GPD1: variants seen among roughly 807,000 people sequenced by gnomAD.
GPD1 encodes the protein glycerol-3-phosphate dehydrogenase [NAD(+)], cytoplasmic.
GPD1 carries 19 observed loss-of-function variants against 34.4 expected under a neutral mutation model. The observed-to-expected ratio is 0.55, with a 90% CI of 0.39 to 0.81. The LOEUF (loss-of-function observed/expected upper bound fraction) is 0.81. Among genes scored for constraint, GPD1 ranks in the 30% least tolerant of loss-of-function variants. The pLI, the probability that GPD1 is intolerant of heterozygous loss-of-function variation, is 0.00. For missense variants in GPD1, 429 were observed against 447.0 expected (o/e 0.96, Z 0.36); for synonymous variants, 172 against 174.1 (o/e 0.99, Z 0.09).
chr12:50,105,117 C>A, intron 2 of GPD1: 1 of 294,842 alleles, frequency 3.4e-6, no homozygotes, highest in Non-Finnish European at 6.4e-6. Flanking sequence ...GGTCTTTGGT[C>A]AAATCCACGT....
At position 50,109,459 on chromosome 12, in the gene GPD1, C is replaced by T. The variant is rs116736822; in HGVS notation, c.990C>T (p.Tyr330=). ...TCATGGCTGTGTACAAGGTGTGCTACGAGGGCCAGCCAGTGGGTGAATTCA... is the reference window on the plus strand; with the variant it reads ...TCATGGCTGTGTACAAGGTGTGCTATGAGGGCCAGCCAGTGGGTGAATTCA... The part of the protein sequence containing the change: ...PLFMAVYKVC[Y]EGQPVGEFIH... The change falls in exon 8 of 8, where the codon TAC becomes TAT. Residue 330 remains tyrosine, a synonymous_variant. Transcript: ENST00000301149. 2.8e-4 allele frequency: 449 copies of T among 1,591,240 alleles called. 2 individuals carry two copies. The African/African-American group carries it at 4.6e-3, about 16-fold the overall frequency.
chr12:50,104,329 T>A, intron 1 of GPD1: 1 of 703,362 alleles, frequency 1.4e-6, no homozygotes, highest in South Asian at 1.5e-5. Flanking sequence ...AAGAGCCGCT[T>A]GAGTTTGGGG....
At chr12:50,105,104 TA>T (rs778985350) in intron 2 of GPD1, 1 of 308,514 alleles carries the variant, frequency 3.2e-6, no homozygotes, top group Non-Finnish European at 6.0e-6. Flanking sequence ...TCCTTGGACT[TA>T]CGGTCTTTGG....
In GPD1 at chr12:50,107,410, G is replaced by T. The variant is rs541557755; in HGVS notation, c.613-157G>T. 1.5e-3 allele frequency: 1,135 copies of T among 745,210 alleles called. 5 individuals carry two copies. The highest frequency in any genetic ancestry group is 1.6e-3 in the Non-Finnish European group (663 of 411,846). 46.2% of individuals were successfully genotyped at this position (745,210 alleles called of 1,614,324 possible). Reference sequence around the variant, plus strand: ...GGCTTAAGAAAGGGGGTGCAGCAAGGGGGGAAACCAAGAGGCGGAAGTAGG... The same window carrying T: ...GGCTTAAGAAAGGGGGTGCAGCAAGTGGGGAAACCAAGAGGCGGAAGTAGG... On this transcript the variant is annotated intron_variant, in intron 5 of 7. Transcript: ENST00000301149.
intron 2 of GPD1, 40 bp from the exon 3 acceptor site, chr12:50,105,508 G>A (rs1315676028): frequency 6.3e-7 from 1 of 1,595,166 alleles, no homozygotes; most frequent in Admixed American, 1.7e-5. Context: ...GGGGCTAGGG[G>A]AGGTCTGCCA....
At chr12:50,107,126 C>T (rs1177957187) in intron 5 of GPD1, 1 of 688,874 alleles carries the variant, frequency 1.5e-6, no homozygotes, top group African/African-American at 1.8e-5. Flanking sequence ...CCGTGGACCC[C>T]CTTGCTCCTG....
intron 3 of GPD1, 187 bp from the exon 4 acceptor site, chr12:50,106,101 A>G (rs1950976350): frequency 1.6e-6 from 1 of 620,874 alleles, no homozygotes; most frequent in Non-Finnish European, 2.8e-6. Flanking sequence ...GGTTGAGGGT[A>G]TGTGGCAGGA....
rs1275864858 is a variant in GPD1 at position 50,106,473 on chromosome 12, C to T, written c.499+47C>T. On this transcript the variant is annotated intron_variant, in intron 4 of 7. Transcript: ENST00000301149. ...CATACACAGTGCATCTAGTTGCATC[C>T]CCTCCCCAAACTGCCCCAACCCCAC... 3 of 1,564,524 alleles carry T rather than the reference C, an allele frequency of 1.9e-6. No homozygotes were observed. The Admixed American group carries it at 5.3e-5, about 28-fold the overall frequency.
Position 50,104,056 on chromosome 12 carries a change from T to G in GPD1, c.6T>G (p.Ala2=), listed in dbSNP as rs779298716. The G allele has an allele frequency of 1.2e-6, 2 of 1,614,086 alleles. No homozygotes were observed. The highest frequency in any genetic ancestry group is 4.5e-5 in the East Asian group (2 of 44,870). ...TCAGGCAGAGACGCGGCACCATGGC[T>G]AGCAAGAAAGTCTGCATTGTAGGCT... M[A]SKKVCIVGSG... The change falls in exon 1 of 8, where the codon GCT becomes GCG. Residue 2 remains alanine (A), a synonymous_variant. Transcript: ENST00000301149.
intron 2 of GPD1, 77 bp from the exon 3 acceptor site, chr12:50,105,471 C>A: frequency 6.8e-7 from 1 of 1,481,082 alleles, no homozygotes; most frequent in Non-Finnish European, 9.2e-7. Flanking sequence ...CTCTTTGGCT[C>A]CCAGATCTCC....
rs1347442108 is a variant in GPD1 at position 50,106,196 on chromosome 12, T to G, written c.361-92T>G. ...CAGGACCTGTCGGGAGGGACACAGA[T>G]GAGCAATGGATTTGGAAGGGACAGA... On this transcript the variant is annotated intron_variant, in intron 3 of 7. Coordinates refer to ENST00000301149, the MANE Select transcript of GPD1 (RefSeq NM_005276.4). 2.6e-6 allele frequency: 3 copies of G among 1,173,564 alleles called. No homozygotes were observed. The Admixed American group carries it at 8.4e-5, about 33-fold the overall frequency. The allele number at this position is 1,173,564 out of a possible 1,614,324, so 72.7% of individuals were successfully genotyped here.
intron 3 of GPD1, 196 bp from the exon 4 acceptor site, chr12:50,106,092 G>A: frequency 1.6e-6 from 1 of 620,132 alleles, no homozygotes; most frequent in Non-Finnish European, 2.9e-6. Context: ...AAGTAGACTG[G>A]TTGAGGGTAT....
In GPD1 at chr12:50,106,926, G is replaced by A. The variant is rs1480802707; in HGVS notation, c.612+9G>A. ...TCTGTGGAGCCTTAAAGGTGAGAGGGGCACAGAGGCAGCTATGGGGTGAGG... is the reference window on the plus strand; with the variant it reads ...TCTGTGGAGCCTTAAAGGTGAGAGGAGCACAGAGGCAGCTATGGGGTGAGG... On this transcript the variant is annotated intron_variant, in intron 5 of 7. Transcript: ENST00000301149. The A allele has an allele frequency of 2.0e-6, 3 of 1,518,114 alleles. No homozygotes were observed. Among genetic ancestry groups the A allele is most frequent in the South Asian group, 1.1e-5 (1 of 89,212 alleles). 94.0% of individuals were successfully genotyped at this position (1,518,114 alleles called of 1,614,324 possible).
At chr12:50,109,072 T>C (rs1951002895) in intron 7 of GPD1, among the ~76,000 whole-genome samples, 1 of 147,748 alleles carries the variant, frequency 6.8e-6, no homozygotes, top group Non-Finnish European at 1.5e-5. Context: ...GAGGCGGAGG[T>C]TGCAGTGAGC....
chr12:50,108,035 G>A lies in GPD1; in HGVS notation c.858G>A (p.Gln286=). ...AFARTGKSIE[Q]LEKELLNGQK... ...TGTTTTCTGCACAGTCCATTGAGCA[G>A]CTGGAGAAAGAGTTGCTGAATGGGC... Residue 286 remains glutamine, a synonymous_variant, in exon 7 of 8, where the codon CAG becomes CAA. Transcript: ENST00000301149. The A allele has an allele frequency of 6.2e-7, 1 of 1,609,192 alleles. No individual in the cohort carries two copies. The highest frequency in any genetic ancestry group is 8.5e-7 in the Non-Finnish European group (1 of 1,176,096).
Position 50,107,671 on chromosome 12 carries a change from C to T in GPD1, c.717C>T (p.Ala239=). The T allele has an allele frequency of 1.2e-6, 2 of 1,614,084 alleles. No homozygotes were observed. The highest frequency in any genetic ancestry group is 8.5e-7 in the Non-Finnish European group (1 of 1,179,940). Residue 239 remains alanine (A), a synonymous_variant, in exon 6 of 8, where the codon GCC becomes GCT. Coordinates refer to ENST00000301149, the MANE Select transcript of GPD1 (RefSeq NM_005276.4). ...RLGLMEMIAF[A]KLFCSGPVSS... is the part of the protein sequence containing the mutation. The stretch of plus-strand genomic sequence containing the variant: ...GACTCATGGAGATGATAGCCTTCGC[C>T]AAGCTCTTCTGCAGTGGCCCTGTGT...
In GPD1 at chr12:50,105,530, A is replaced by G. The variant is rs777679621; in HGVS notation, c.220-18A>G. On this transcript the variant is annotated intron_variant, in intron 2 of 7. Transcript: ENST00000301149. ...GGGGAGGTCTGCCAGGCCCGCGAGC[A>G]CTTGGTCACCCCCACAGGTGGCTGT... The G allele has an allele frequency of 6.2e-7, 1 of 1,606,930 alleles. No individual in the cohort carries two copies. Among genetic ancestry groups the G allele is most frequent in the Non-Finnish European group, 8.5e-7 (1 of 1,174,952 alleles).
At chr12:50,104,387 G>T (rs1412919793) in intron 1 of GPD1, 187 bp from the exon 2 acceptor site, 4 of 712,310 alleles carry the variant, frequency 5.6e-6, no homozygotes, top group Non-Finnish European at 1.0e-5. Context: ...CAAAGGGTGA[G>T]GAGACTGAGT....
rs199633670 is a variant in GPD1, at chr12:50,105,640, G to A, written c.312G>A (p.Gln104=). The part of the protein sequence containing the change: ...PHQFIGKICD[Q]LKGHLKANAT... Reference sequence around the variant, plus strand: ...AGTTCATCGGCAAGATCTGTGACCAGCTCAAGGGCCATCTGAAGGCAAACG... The same window carrying A: ...AGTTCATCGGCAAGATCTGTGACCAACTCAAGGGCCATCTGAAGGCAAACG... The change falls in exon 3 of 8, where the codon CAG becomes CAA. Residue 104 remains glutamine, a synonymous_variant. Coordinates refer to ENST00000301149, the MANE Select transcript of GPD1 (RefSeq NM_005276.4). 4.0e-5 allele frequency: 65 copies of A among 1,614,056 alleles called. No individual in the cohort carries two copies. Among genetic ancestry groups the A allele is most frequent in the Non-Finnish European group, 5.3e-5 (63 of 1,180,016 alleles).
Sources: gnomAD v4.1 joint callset for allele counts (sites outside exome capture counted in the v4.1 genomes callset) on GRCh38, gnomAD v4.1.1 for gene constraint, MANE v1.5 for transcripts, NCBI Gene and HGNC (gene_info 2026-07-23, HGNC 2026-07-21) for gene names.